The following HERPUD2 variants were observed in gnomAD, a reference collection of about 807,000 sequenced individuals.
The protein encoded by HERPUD2 is HERPUD family member 2.
HERPUD2 carries 13 observed loss-of-function variants against 49.9 expected under a neutral mutation model. The ratio of observed to expected loss-of-function variants is 0.26; its 90% CI spans 0.17 to 0.41. The LOEUF (loss-of-function observed/expected upper bound fraction) is 0.41. Among genes scored for constraint, HERPUD2 ranks in the 10% least tolerant of loss-of-function variants. The probability of loss-of-function intolerance (pLI) is 1.00; values close to 1 mark genes in which losing one functional copy is unlikely to be tolerated. For synonymous variants in HERPUD2, 172 were observed against 171.4 expected, an observed-to-expected ratio of 1.00 and a Z score of -0.03; for missense variants, 449 against 492.2, an observed-to-expected ratio of 0.91 and a Z score of 0.83.
intron 5 of HERPUD2, among the ~76,000 whole-genome samples, chr7:35,647,856 T>A (rs1373689876): frequency 2.6e-5 from 4 of 152,240 alleles, no homozygotes; most frequent in Admixed American, 6.5e-5. Flanking sequence ...TGTAGTGAAG[T>A]AAGGCACATA....
chr7:35,682,015 C>T (rs577279620), intron 2 of HERPUD2, among the ~76,000 whole-genome samples: 1 of 152,134 alleles, frequency 6.6e-6, no homozygotes, highest in African/African-American at 2.4e-5. Context: ...TTAAGAAAAA[C>T]TGTTACTTTC....
At chr7:35,692,820 T>C (rs1033631376) in intron 2 of HERPUD2, among the ~76,000 whole-genome samples, 5 of 152,238 alleles carry the variant, frequency 3.3e-5, no homozygotes, top group African/African-American at 9.6e-5. Flanking sequence ...GAAATGCTCA[T>C]AATTCATTAA....
chr7:35,655,570 C>T (rs1785259108), intron 5 of HERPUD2, among the ~76,000 whole-genome samples: 1 of 152,102 alleles, frequency 6.6e-6, no homozygotes, highest in South Asian at 2.1e-4. Flanking sequence ...TATAACAAAC[C>T]CACAGCTAAC....
chr7:35,645,889 A>T (rs889661330), intron 5 of HERPUD2, among the ~76,000 whole-genome samples: 1 of 152,230 alleles, frequency 6.6e-6, no homozygotes, highest in African/African-American at 2.4e-5. Flanking sequence ...TGTAAGACAT[A>T]GAAATGAAAC....
At chr7:35,663,401 G>A (rs574009319) in intron 5 of HERPUD2, among the ~76,000 whole-genome samples, 8 of 152,266 alleles carry the variant, frequency 5.3e-5, no homozygotes, top group African/African-American at 1.9e-4. Flanking sequence ...GGAGAGTTCT[G>A]CAGGTGTCTA....
chr7:35,638,468 C>A lies in HERPUD2; in HGVS notation c.499G>T (p.Val167Leu). 6.2e-7 allele frequency: 1 copy of A among 1,612,084 alleles called. No individual in the cohort carries two copies. The highest frequency in any genetic ancestry group is 1.1e-5 in the South Asian group (1 of 90,842). ...HQFPYVMQGN[V>L]DNQFPGQAAP... Reference sequence around the variant, plus strand: ...GCTTGCCCAGGAAATTGGTTGTCTACATTTCTGCAAGAAATAAATAATGAG... The same window carrying A: ...GCTTGCCCAGGAAATTGGTTGTCTAAATTTCTGCAAGAAATAAATAATGAG... Residue 167 changes from valine to leucine, a missense_variant, in exon 6 of 9, where the codon GTA becomes TTA. Coordinates refer to ENST00000311350, the MANE Select transcript of HERPUD2 (RefSeq NM_022373.5).
At chr7:35,693,201 TATCCA>T (rs1786230514) in intron 2 of HERPUD2, among the ~76,000 whole-genome samples, 5 of 152,330 alleles carry the variant, frequency 3.3e-5, no homozygotes, top group Admixed American at 6.5e-5. Context: ...ATCTCTGCAA[TATCCA>T]GTTATGATTC....
At chr7:35,692,752 T>C (rs1002513296) in intron 2 of HERPUD2, among the ~76,000 whole-genome samples, 1 of 152,254 alleles carries the variant, frequency 6.6e-6, no homozygotes, top group African/African-American at 2.4e-5. Flanking sequence ...ATAACCGTCC[T>C]ATTTCTGTGG....
intron 5 of HERPUD2, among the ~76,000 whole-genome samples, chr7:35,655,246 T>C (rs1203027481): frequency 6.6e-6 from 1 of 152,114 alleles, no homozygotes; most frequent in East Asian, 1.9e-4. Context: ...ATTAACCTGA[T>C]ACTAAAACCA....
At chr7:35,650,101 GACGGCTA>G (rs1562672142) in intron 5 of HERPUD2, among the ~76,000 whole-genome samples, 1 of 152,130 alleles carries the variant, frequency 6.6e-6, no homozygotes, top group Non-Finnish European at 1.5e-5. Context: ...GAGGCTTCAT[GACGGCTA>G]ACTAGAGGCA....
chr7:35,655,626 G>A (rs1785260116), intron 5 of HERPUD2, among the ~76,000 whole-genome samples: 2 of 152,088 alleles, frequency 1.3e-5, no homozygotes, highest in Admixed American at 6.5e-5. Context: ...CTAAGAGCTG[G>A]AAAAAGACAA....
rs144753725 is a variant in HERPUD2, at chr7:35,678,454, C to T, written c.148-5176G>A. The stretch of plus-strand genomic sequence containing the variant: ...TAGCTGGGATTACAGTCGTGCACCA[C>T]CACACCCTGCTAATTTTTGTATATT... On this transcript the variant is annotated intron_variant, in intron 2 of 8. Coordinates refer to ENST00000311350, the MANE Select transcript of HERPUD2 (RefSeq NM_022373.5). Among the ~76,000 whole-genome samples, 1,107 of 152,188 alleles carry T rather than the reference C, an allele frequency of 7.3e-3. 9 individuals carry two copies. Among genetic ancestry groups the T allele is most frequent in the Middle Eastern group, 0.027 (8 of 294 alleles).
At chr7:35,640,532 A>G (rs1267028011) in intron 5 of HERPUD2, among the ~76,000 whole-genome samples, 3 of 152,320 alleles carry the variant, frequency 2.0e-5, no homozygotes, top group African/African-American at 4.8e-5. Context: ...ATAAATAAAT[A>G]ACCTCCCCAA....
At chr7:35,643,084 A>C (rs920127958) in intron 5 of HERPUD2, among the ~76,000 whole-genome samples, 11 of 152,250 alleles carry the variant, frequency 7.2e-5, no homozygotes, top group African/African-American at 2.7e-4. Flanking sequence ...ACCTTTATAC[A>C]TACTCCCACT....
At chr7:35,686,283 G>C (rs1265015300) in intron 2 of HERPUD2, among the ~76,000 whole-genome samples, 1 of 72,610 alleles carries the variant, frequency 1.4e-5, no homozygotes, top group East Asian at 4.4e-4. Context: ...CTGCCTCCCA[G>C]GTTCATGCCA....
rs181955377 is a variant in HERPUD2 at position 35,650,628 on chromosome 7, G to A, written c.495-12156C>T. 5.0e-3 allele frequency among the ~76,000 whole-genome samples: 764 copies of A among 152,246 alleles called. 2 individuals carry two copies. Among genetic ancestry groups the A allele is most frequent in the Admixed American group, 8.1e-3 (124 of 15,294 alleles). On this transcript the variant is annotated intron_variant, in intron 5 of 8. Coordinates refer to ENST00000311350, the MANE Select transcript of HERPUD2 (RefSeq NM_022373.5). ...ATGAGGGATAACTGATGTATCTTGG[G>A]CCACAGTGCAAGACATTGTCAGCAA... is the stretch of plus-strand genomic sequence containing the variant.
At chr7:35,693,576 A>C (rs184008137) in intron 2 of HERPUD2, among the ~76,000 whole-genome samples, 2 of 151,746 alleles carry the variant, frequency 1.3e-5, no homozygotes, top group African/African-American at 4.8e-5. Flanking sequence ...TTAAGAAAGG[A>C]TATATCTCTC....
chr7:35,691,650 A>T (rs968848350), intron 2 of HERPUD2, among the ~76,000 whole-genome samples: 2 of 152,248 alleles, frequency 1.3e-5, no homozygotes, highest in African/African-American at 4.8e-5. Context: ...TCTGTTAAAC[A>T]TAACAGCACT....
intron 7 of HERPUD2, 134 bp from the exon 8 acceptor site, chr7:35,634,563 T>C (rs1784839860): frequency 1.7e-6 from 1 of 585,852 alleles, no homozygotes; most frequent in Non-Finnish European, 2.9e-6. Flanking sequence ...ATCTCCCACT[T>C]CAGGACAGGG....
Sources: gnomAD v4.1 joint callset for allele counts (sites outside exome capture counted in the v4.1 genomes callset) on GRCh38, gnomAD v4.1.1 for gene constraint, MANE v1.5 for transcripts, NCBI Gene and HGNC (gene_info 2026-07-23, HGNC 2026-07-21) for gene names.